PPP2R5C: variants seen among roughly 807,000 people sequenced by gnomAD.
The protein encoded by PPP2R5C is serine/threonine-protein phosphatase 2A 56 kDa regulatory subunit gamma isoform.
A neutral mutation model predicts 68.9 loss-of-function variants in PPP2R5C; 7 were observed. The ratio of observed to expected loss-of-function variants is 0.10; its 90% CI spans 0.06 to 0.19. The LOEUF (loss-of-function observed/expected upper bound fraction) is 0.19. Ranked by LOEUF, PPP2R5C falls within the 10% of genes least tolerant of loss-of-function variation. The pLI is 1.00. For missense variants in PPP2R5C, 348 were observed against 641.3 expected (o/e 0.54, Z 4.94); for synonymous variants, 210 against 222.2 (o/e 0.95, Z 0.49).
At chr14:101,817,504 G>A (rs769083173) in intron 1 of PPP2R5C, among the ~76,000 whole-genome samples, 14 of 152,294 alleles carry the variant, frequency 9.2e-5, no homozygotes, top group South Asian at 2.1e-4. Flanking sequence ...ACAAAACAGC[G>A]TTTTTGGGGT....
chr14:101,808,653 T>A (rs2039177473), upstream of PPP2R5C, among the ~76,000 whole-genome samples: 1 of 152,206 alleles, frequency 6.6e-6, no homozygotes, highest in Non-Finnish European at 1.5e-5. Context: ...CTTACTCTAC[T>A]GTGAATTATG....
At chr14:101,923,615 G>A (rs7158886) in intron 13 of PPP2R5C, among the ~76,000 whole-genome samples, 29,755 of 152,054 alleles carry the variant, frequency 0.2, 4,706 homozygotes, top group African/African-American at 0.43. Flanking sequence ...AAACCCTCAC[G>A]CTGGTTTCCA....
intron 4 of PPP2R5C, 22 bp downstream of exon 6, chr14:101,883,371 A>T (rs764481440): frequency 6.2e-7 from 1 of 1,607,860 alleles, no homozygotes; most frequent in Non-Finnish European, 8.5e-7. Context: ...ATTAGCTGAC[A>T]CTCTGAAAGC....
chr14:101,900,433 G>C (rs143645418), intron 8 of PPP2R5C, among the ~76,000 whole-genome samples: 2,034 of 152,370 alleles, frequency 0.013, 21 homozygotes, highest in Non-Finnish European at 0.019. Context: ...GCCAGCACTT[G>C]TGGCAATTGC....
chr14:101,821,446 T>TGGGG (rs747028650), intron 1 of PPP2R5C, among the ~76,000 whole-genome samples: 1 of 97,872 alleles, frequency 1.0e-5, no homozygotes, highest in African/African-American at 3.5e-5. Flanking sequence ...GGGGGGTGGG[T>TGGGG]GGGTGGGTGT....
At chr14:101,889,585 G>A (rs751738417) in intron 5 of PPP2R5C, among the ~76,000 whole-genome samples, 2 of 152,226 alleles carry the variant, frequency 1.3e-5, no homozygotes, top group Non-Finnish European at 2.9e-5. Flanking sequence ...AGGGTAGGGT[G>A]CGTGTCCTGG....
rs79196507 is a variant in PPP2R5C at position 101,911,917 on chromosome 14, G to A, written c.1254-484G>A. ...AAAAAAACTTGGATCTGAGTTAAGC[G>A]ATTGAAAGTCATGTGACTCGCAGTG... On this transcript the variant is annotated intron_variant, in intron 11 of 13. Coordinates refer to ENST00000334743, the Ensembl canonical transcript of PPP2R5C. Among the ~76,000 whole-genome samples, 943 of 151,812 alleles carry A rather than the reference G, an allele frequency of 6.2e-3. 12 individuals are homozygous for A. Among genetic ancestry groups the A allele is most frequent in the African/African-American group, 0.021 (882 of 41,380 alleles).
At chr14:101,909,848 G>A (rs2046287234) in intron 11 of PPP2R5C, among the ~76,000 whole-genome samples, 158 bp downstream of exon 13, 1 of 152,122 alleles carries the variant, frequency 6.6e-6, no homozygotes, top group African/African-American at 2.4e-5. Flanking sequence ...TTATAATAAC[G>A]TATTTTGAAA....
At chr14:101,768,896 C>T (rs1239936742) in intron 2 of PPP2R5C, among the ~76,000 whole-genome samples, 1 of 151,590 alleles carries the variant, frequency 6.6e-6, no homozygotes, top group Non-Finnish European at 1.5e-5. Context: ...GCAATCTCCG[C>T]TCACTGCCAG....
chr14:101,862,104 G>A (rs1176255782), intron 2 of PPP2R5C, among the ~76,000 whole-genome samples: 2 of 152,042 alleles, frequency 1.3e-5, no homozygotes, highest in Admixed American at 6.5e-5. Context: ...TTGTAGACAC[G>A]GGGTCTCCAC....
At chr14:101,761,687 T>TGCCGCCGGCGCCGCCGCC (rs2036542142), upstream of PPP2R5C, 1 of 219,766 alleles carries the variant, frequency 4.6e-6, no homozygotes, top group African/African-American at 2.8e-5. Flanking sequence ...ACGCCGCCGC[T>TGCCGCCGGCGCCGCCGCC]GCCGCCGCCG....
chr14:101,768,772 C>G (rs1191350557), intron 2 of PPP2R5C, among the ~76,000 whole-genome samples: 1 of 152,054 alleles, frequency 6.6e-6, no homozygotes, highest in Non-Finnish European at 1.5e-5. Context: ...TTGAGAACCC[C>G]TCTTTTAGAA....
rs1566875610 is a variant in PPP2R5C, at chr14:101,825,527, G to A, written c.94+15491G>A. On this transcript the variant is annotated intron_variant, in intron 1 of 13. Transcript: ENST00000334743. This position sits in a 1 kb window ranked among gnomAD's most constrained non-coding sequence, Gnocchi z 4.0. ...ATTTGGGGTGCACACGCTCATCGAT[G>A]AGGGCAACAGAACACAGCATGCAGG... 6.6e-6 allele frequency among the ~76,000 whole-genome samples: 1 copy of A among 152,166 alleles called. No individual in the cohort carries two copies. The highest frequency in any genetic ancestry group is 1.9e-4 in the East Asian group (1 of 5,202).
chr14:101,886,076 T>A (rs1387750095), intron 5 of PPP2R5C, among the ~76,000 whole-genome samples: 1 of 151,672 alleles, frequency 6.6e-6, no homozygotes, highest in Non-Finnish European at 1.5e-5. Context: ...GGTCAGGAGA[T>A]CGAGACCATA....
At chr14:101,907,950 C>T (rs2046150383) in intron 10 of PPP2R5C, among the ~76,000 whole-genome samples, 1 of 152,204 alleles carries the variant, frequency 6.6e-6, no homozygotes, top group South Asian at 2.1e-4. Flanking sequence ...CGCGTCAAGT[C>T]TTCTGAGGGT....
intron 9 of PPP2R5C, among the ~76,000 whole-genome samples, chr14:101,903,916 C>T (rs538068335): frequency 3.7e-4 from 56 of 152,088 alleles, no homozygotes; most frequent in African/African-American, 1.3e-3. Flanking sequence ...CCTCATGATC[C>T]GCCCACCTCG....
chr14:101,836,068 ATTAAATTTTT>A (rs2041074516), intron 1 of PPP2R5C: 1 of 612,064 alleles, frequency 1.6e-6, no homozygotes, highest in East Asian at 2.7e-5. Flanking sequence ...ACAATGGGAA[ATTAAATTTTT>A]TTAATTACTT....
intron 10 of PPP2R5C, among the ~76,000 whole-genome samples, chr14:101,908,250 G>C (rs551440789): frequency 6.6e-6 from 1 of 152,248 alleles, no homozygotes; most frequent in Non-Finnish European, 1.5e-5. Flanking sequence ...TGTAGGGCCA[G>C]CAGCCATGCT....
chr14:101,821,893 G>T (rs796106550), intron 1 of PPP2R5C, among the ~76,000 whole-genome samples: 4 of 152,172 alleles, frequency 2.6e-5, no homozygotes, highest in African/African-American at 9.6e-5. Flanking sequence ...TCTGATTTTA[G>T]AACAGAGGTC....
Sources: gnomAD v4.1 joint callset for allele counts (sites outside exome capture counted in the v4.1 genomes callset) on GRCh38, gnomAD v4.1.1 for gene constraint, Gnocchi (gnomAD v3.1) non-coding constraint, MANE v1.5 for transcripts, NCBI Gene and HGNC (gene_info 2026-07-23, HGNC 2026-07-21) for gene names.